FOXP1: variants seen among roughly 807,000 people sequenced by gnomAD.
The protein encoded by FOXP1 is forkhead box protein P1.
Under a neutral mutation model 98.2 loss-of-function variants are expected in FOXP1, and 15 were observed. The ratio of observed to expected loss-of-function variants is 0.15; its 90% CI spans 0.10 to 0.24. The LOEUF (loss-of-function observed/expected upper bound fraction) is 0.24. FOXP1 is among the 10% of genes least tolerant of loss of function. FOXP1 has a pLI of 1.00. For synonymous variants in FOXP1, 371 were observed against 314.5 expected, an observed-to-expected ratio of 1.18 and a Z score of -1.90; for missense variants, 633 against 848.5, an observed-to-expected ratio of 0.75 and a Z score of 3.15.
At chr3:71,000,070 T>G (rs192711372) in intron 13 of FOXP1, among the ~76,000 whole-genome samples, 1 of 152,270 alleles carries the variant, frequency 6.6e-6, no homozygotes, top group Admixed American at 6.5e-5. Context: ...AATAATCTCC[T>G]TTTCTGACCT....
chr3:71,510,744 A>T lies in FOXP1; in HGVS notation c.-297-17189T>A, dbSNP rs547108434. ...AGACCCAGCCATTGCTCATATTTAC[A>T]TTTGTAAAAAGTCAGGACGGAAAGT... On this transcript the variant is annotated intron_variant, in intron 2 of 20. Transcript: ENST00000649528. 4.6e-5 allele frequency among the ~76,000 whole-genome samples: 7 copies of T among 152,334 alleles called. No individual in the cohort carries two copies. The South Asian group carries it at 8.3e-4, about 18-fold the overall frequency.
At chr3:71,245,914 A>G (rs1313871559) in intron 5 of FOXP1, among the ~76,000 whole-genome samples, 1 of 151,480 alleles carries the variant, frequency 6.6e-6, no homozygotes, top group Admixed American at 6.6e-5. Context: ...AAAATGTTAC[A>G]TTTTTAAGAA....
intron 4 of FOXP1, among the ~76,000 whole-genome samples, chr3:71,326,704 T>A (rs753775327): frequency 1.3e-5 from 2 of 152,152 alleles, no homozygotes; most frequent in African/African-American, 2.4e-5. Flanking sequence ...ACTGGTTGGA[T>A]GTATTAGGTG....
intron 2 of FOXP1, among the ~76,000 whole-genome samples, chr3:71,512,658 T>C (rs1162949828): frequency 6.6e-6 from 1 of 152,176 alleles, no homozygotes; most frequent in Non-Finnish European, 1.5e-5. Context: ...GATTATTCAT[T>C]TGTGAATGCC....
chr3:71,143,413 T>C (rs977954722), intron 6 of FOXP1, among the ~76,000 whole-genome samples: 1 of 152,166 alleles, frequency 6.6e-6, no homozygotes, highest in Non-Finnish European at 1.5e-5. Flanking sequence ...CTGTCTCTCA[T>C]CTTCCTTCCC....
intron 7 of FOXP1, among the ~76,000 whole-genome samples, chr3:71,086,901 T>G (rs1312073908): frequency 1.3e-5 from 2 of 152,126 alleles, no homozygotes; most frequent in African/African-American, 4.8e-5. Context: ...TGCACAACCA[T>G]GGAGAACAAA....
At chr3:71,025,070 G>A (rs996907152) in intron 11 of FOXP1, among the ~76,000 whole-genome samples, 8 of 152,278 alleles carry the variant, frequency 5.3e-5, no homozygotes, top group Non-Finnish European at 8.8e-5. Context: ...TGATTTCTCA[G>A]TAGTTACTTT....
At chr3:71,077,718 A>C (rs2053949959) in intron 7 of FOXP1, among the ~76,000 whole-genome samples, 1 of 152,192 alleles carries the variant, frequency 6.6e-6, no homozygotes, top group South Asian at 2.1e-4. Context: ...CAAAGATTTC[A>C]TGAATTTATA....
intron 6 of FOXP1, among the ~76,000 whole-genome samples, chr3:71,155,323 A>C (rs906978922): frequency 2.0e-5 from 3 of 152,264 alleles, no homozygotes; most frequent in African/African-American, 7.2e-5. Context: ...ATATAATGTA[A>C]GCAACATACA....
chr3:71,160,557 C>G (rs531211848), intron 6 of FOXP1, among the ~76,000 whole-genome samples: 1 of 152,172 alleles, frequency 6.6e-6, no homozygotes, highest in South Asian at 2.1e-4. Flanking sequence ...ACCCTACTAC[C>G]CCAAATGGTA....
chr3:71,034,596 C>T (rs2047335976), intron 11 of FOXP1, among the ~76,000 whole-genome samples: 1 of 152,058 alleles, frequency 6.6e-6, no homozygotes, highest in Non-Finnish European at 1.5e-5. Context: ...GTATCAAGCC[C>T]TATGTCAAGT....
At chr3:71,578,430 G>T (rs1265210704) in intron 2 of FOXP1, among the ~76,000 whole-genome samples, 1 of 152,178 alleles carries the variant, frequency 6.6e-6, no homozygotes, top group East Asian at 1.9e-4. Context: ...GCTATACCCT[G>T]TAAATATTCT....
intron 7 of FOXP1, among the ~76,000 whole-genome samples, chr3:71,061,133 A>C (rs948105619): frequency 6.6e-6 from 1 of 151,862 alleles, no homozygotes; most frequent in Non-Finnish European, 1.5e-5. Context: ...TGAATGCAAA[A>C]TGTCACTTGG....
chr3:71,412,420 C>G (rs997564648), intron 3 of FOXP1, among the ~76,000 whole-genome samples: 2 of 152,156 alleles, frequency 1.3e-5, no homozygotes, highest in African/African-American at 4.8e-5. Flanking sequence ...GCCCCCAACG[C>G]TGCTTCTCCC....
At chr3:71,576,005 A>C (rs2047693044) in intron 2 of FOXP1, among the ~76,000 whole-genome samples, 1 of 152,238 alleles carries the variant, frequency 6.6e-6, no homozygotes, top group African/African-American at 2.4e-5. Context: ...GTAATAAATA[A>C]ATATATGTCC....
intron 12 of FOXP1, among the ~76,000 whole-genome samples, chr3:71,010,056 CTGG>C (rs1238249697): frequency 6.6e-6 from 1 of 151,818 alleles, no homozygotes; most frequent in Non-Finnish European, 1.5e-5. Flanking sequence ...TGTGTCTTGC[CTGG>C]TGTACCTTTT....
intron 3 of FOXP1, among the ~76,000 whole-genome samples, chr3:71,415,554 T>C (rs1009788): frequency 0.042 from 6,377 of 152,234 alleles, 175 homozygotes; most frequent in Non-Finnish European, 0.056. Flanking sequence ...AGAAGGACAC[T>C]GAGGCTGAGA....
intron 3 of FOXP1, among the ~76,000 whole-genome samples, chr3:71,468,818 G>T (rs1011209433): frequency 1.1e-4 from 17 of 152,164 alleles, no homozygotes; most frequent in African/African-American, 3.6e-4. Context: ...GCTGACACAA[G>T]CATCAGTGTG....
At chr3:71,323,854 C>T (rs1314220266) in intron 4 of FOXP1, among the ~76,000 whole-genome samples, 2 of 152,146 alleles carry the variant, frequency 1.3e-5, no homozygotes, top group Non-Finnish European at 2.9e-5. Flanking sequence ...CTCTAACTGC[C>T]TTGCTTCACC....
Sources: allele counts gnomAD v4.1 joint callset (sites outside exome capture counted in the v4.1 genomes callset), GRCh38; gene constraint gnomAD v4.1.1; transcripts MANE v1.5; gene names NCBI Gene and HGNC (gene_info 2026-07-23, HGNC 2026-07-21).